KRTAP13-1: variants seen among roughly 807,000 people sequenced by gnomAD.
KRTAP13-1 encodes keratin-associated protein 13-1.
For synonymous variants in KRTAP13-1, 104 were observed against 85.3 expected, an observed-to-expected ratio of 1.22 and a Z score of -1.21; for missense variants, 200 against 204.8, an observed-to-expected ratio of 0.98 and a Z score of 0.14.
Position 30,396,245 on chromosome 21 carries a change from T to C in KRTAP13-1, c.159T>C (p.Tyr53=). 8.1e-6 allele frequency: 13 copies of C among 1,614,098 alleles called. No homozygotes were observed. Among genetic ancestry groups the C allele is most frequent in the East Asian group, 4.5e-5 (2 of 44,872 alleles). The part of the protein sequence containing the change: ...PSTCQLGSSL[Y]RGCQQTCWEP... Reference sequence around the variant, plus strand: ...CGTGCCAGCTGGGTTCCTCTCTCTATAGGGGCTGTCAGCAGACCTGCTGGG... The same window carrying C: ...CGTGCCAGCTGGGTTCCTCTCTCTACAGGGGCTGTCAGCAGACCTGCTGGG... Residue 53 remains tyrosine (Y), a synonymous_variant, in exon 1 of 1, where the codon TAT becomes TAC. Transcript: ENST00000355459.
At position 30,396,319 on chromosome 21, in the gene KRTAP13-1, C is replaced by A. The variant is rs750272541; in HGVS notation, c.233C>A (p.Thr78Asn). 1.2e-6 allele frequency: 2 copies of A among 1,614,226 alleles called. No homozygotes were observed. Among genetic ancestry groups the A allele is most frequent in the Admixed American group, 1.7e-5 (1 of 60,028 alleles). ...TSYVESSPCQ[T>N]SCYRPRTSLL... ...TATGTGGAGTCCAGCCCCTGCCAGA[C>A]CTCCTGCTACCGTCCCAGAACCTCC... Residue 78 changes from threonine (T) to asparagine (N), a missense_variant, in exon 1 of 1, where the codon ACC becomes AAC. Physicochemically the swap from Thr to Asn is moderately conservative, Grantham distance 65 (BLOSUM62 0). Transcript: ENST00000355459.
Position 30,396,469 on chromosome 21 carries a change from G to C in KRTAP13-1, c.383G>C (p.Arg128Thr). Reference sequence around the variant, plus strand: ...GTGGGCTGTGGGTCCAGTGGCTTCAGATCCCTGGGTTATGGAGGCTGTGGC... The same window carrying C: ...GTGGGCTGTGGGTCCAGTGGCTTCACATCCCTGGGTTATGGAGGCTGTGGC... Reference protein sequence around the residue: ...YSVGCGSSGFRSLGYGGCGFP... With the variant: ...YSVGCGSSGFTSLGYGGCGFP... The change falls in exon 1 of 1, where the codon AGA (arginine) becomes ACA (threonine). Residue 128 changes from arginine (R) to threonine (T), a missense_variant. By Grantham distance (71) the Arg-to-Thr change is moderately conservative. Coordinates refer to ENST00000355459, the MANE Select transcript of KRTAP13-1 (RefSeq NM_181599.3). The C allele has an allele frequency of 1.2e-6, 2 of 1,614,236 alleles. No homozygotes were observed. The highest frequency in any genetic ancestry group is 1.7e-6 in the Non-Finnish European group (2 of 1,180,050).
At position 30,396,297 on chromosome 21, in the gene KRTAP13-1, G is replaced by A; in HGVS notation, c.211G>A (p.Val71Met). The A allele has an allele frequency of 6.2e-7, 1 of 1,614,210 alleles. No homozygotes were observed. The highest frequency in any genetic ancestry group is 8.5e-7 in the Non-Finnish European group (1 of 1,180,026). The change falls in exon 1 of 1, where the codon GTG becomes ATG. Residue 71 changes from valine to methionine, a missense_variant. Val to Met is a conservative substitution (Grantham distance 21). Transcript: ENST00000355459. Reference protein sequence around the residue: ...WEPTSCQTSYVESSPCQTSCY... With the variant: ...WEPTSCQTSYMESSPCQTSCY... Reference sequence around the variant, plus strand: ...GCCCACCAGCTGCCAGACATCCTATGTGGAGTCCAGCCCCTGCCAGACCTC... The same window carrying A: ...GCCCACCAGCTGCCAGACATCCTATATGGAGTCCAGCCCCTGCCAGACCTC...
In KRTAP13-1 at chr21:30,396,505, T is replaced by G; in HGVS notation, c.419T>G (p.Leu140Arg). ...TATGGAGGCTGTGGCTTCCCTTCCCTGGGCTATGGCGTTGGATTCTGCCGC... is the reference window on the plus strand; with the variant it reads ...TATGGAGGCTGTGGCTTCCCTTCCCGGGGCTATGGCGTTGGATTCTGCCGC... ...LGYGGCGFPS[L>R]GYGVGFCRPT... is the part of the protein sequence containing the mutation. The change falls in exon 1 of 1, where the codon CTG (leucine) becomes CGG (arginine). Residue 140 changes from leucine to arginine, a missense_variant. Transcript: ENST00000355459. 1 of 1,614,218 alleles carries G rather than the reference T, an allele frequency of 6.2e-7. No homozygotes were observed. The highest frequency in any genetic ancestry group is 8.5e-7 in the Non-Finnish European group (1 of 1,180,026).
In KRTAP13-1 at chr21:30,396,147, T is replaced by C. The variant is rs1568838310; in HGVS notation, c.61T>C (p.Tyr21His). 3.1e-6 allele frequency: 5 copies of C among 1,605,000 alleles called. No individual in the cohort carries two copies. Among genetic ancestry groups the C allele is most frequent in the East Asian group, 2.2e-5 (1 of 44,874 alleles). Residue 21 changes from tyrosine (Y) to histidine (H), a missense_variant, in exon 1 of 1, where the codon TAC becomes CAC. By Grantham distance (83) the Tyr-to-His change is moderately conservative. Transcript: ENST00000355459. ...SSRSCGGYLH[Y>H]PASSCGFSYP... ...CCGCTCCTGTGGTGGCTACCTGCACTACCCAGCCTCCTCCTGTGGCTTTTC... is the reference window on the plus strand; with the variant it reads ...CCGCTCCTGTGGTGGCTACCTGCACCACCCAGCCTCCTCCTGTGGCTTTTC...
In KRTAP13-1 at chr21:30,396,473, C is replaced by T. The variant is rs776540452; in HGVS notation, c.387C>T (p.Ser129=). The T allele has an allele frequency of 6.2e-6, 10 of 1,614,158 alleles. No individual in the cohort carries two copies. The Admixed American group carries it at 1.3e-4, about 22-fold the overall frequency. ...GCTGTGGGTCCAGTGGCTTCAGATCCCTGGGTTATGGAGGCTGTGGCTTCC... is the reference window on the plus strand; with the variant it reads ...GCTGTGGGTCCAGTGGCTTCAGATCTCTGGGTTATGGAGGCTGTGGCTTCC... The part of the protein sequence containing the change: ...SVGCGSSGFR[S]LGYGGCGFPS... Residue 129 remains serine (S), a synonymous_variant, in exon 1 of 1, where the codon TCC becomes TCT. Transcript: ENST00000355459.
At position 30,396,219 on chromosome 21, in the gene KRTAP13-1, A is replaced by G. The variant is rs1601109746; in HGVS notation, c.133A>G (p.Thr45Ala). ...VYSTDLCSPS[T>A]CQLGSSLYRG... ...CAGCACTGACCTCTGCTCTCCCAGC[A>G]CGTGCCAGCTGGGTTCCTCTCTCTA... Residue 45 changes from threonine to alanine, a missense_variant, in exon 1 of 1, where the codon ACG (threonine) becomes GCG (alanine). Coordinates refer to ENST00000355459, the MANE Select transcript of KRTAP13-1 (RefSeq NM_181599.3). 1 of 1,614,142 alleles carries G rather than the reference A, an allele frequency of 6.2e-7. No homozygotes were observed. The highest frequency in any genetic ancestry group is 8.5e-7 in the Non-Finnish European group (1 of 1,180,020).
In KRTAP13-1 at chr21:30,396,273, C is replaced by T. The variant is rs1983513258; in HGVS notation, c.187C>T (p.Pro63Ser). The T allele has an allele frequency of 6.2e-7, 1 of 1,614,188 alleles. No homozygotes were observed. The highest frequency in any genetic ancestry group is 1.3e-5 in the African/African-American group (1 of 75,058). Residue 63 changes from proline to serine, a missense_variant, in exon 1 of 1, where the codon CCC becomes TCC. Coordinates refer to ENST00000355459, the MANE Select transcript of KRTAP13-1 (RefSeq NM_181599.3). ...GGGCTGTCAGCAGACCTGCTGGGAGCCCACCAGCTGCCAGACATCCTATGT... is the reference window on the plus strand; with the variant it reads ...GGGCTGTCAGCAGACCTGCTGGGAGTCCACCAGCTGCCAGACATCCTATGT... Reference protein sequence around the residue: ...YRGCQQTCWEPTSCQTSYVES... With the variant: ...YRGCQQTCWESTSCQTSYVES...
Position 30,396,232 on chromosome 21 carries a change from G to T in KRTAP13-1, c.146G>T (p.Gly49Val). 6.2e-7 allele frequency: 1 copy of T among 1,614,144 alleles called. No homozygotes were observed. Among genetic ancestry groups the T allele is most frequent in the Non-Finnish European group, 8.5e-7 (1 of 1,180,012 alleles). ...DLCSPSTCQL[G>V]SSLYRGCQQT... The stretch of plus-strand genomic sequence containing the variant: ...TGCTCTCCCAGCACGTGCCAGCTGG[G>T]TTCCTCTCTCTATAGGGGCTGTCAG... The change falls in exon 1 of 1, where the codon GGT becomes GTT. Residue 49 changes from glycine to valine, a missense_variant. Coordinates refer to ENST00000355459, the MANE Select transcript of KRTAP13-1 (RefSeq NM_181599.3).
Position 30,396,500 on chromosome 21 carries a change from T to G in KRTAP13-1, c.414T>G (p.Pro138=). 1.2e-6 allele frequency: 2 copies of G among 1,614,192 alleles called. No homozygotes were observed. Among genetic ancestry groups the G allele is most frequent in the Non-Finnish European group, 1.7e-6 (2 of 1,180,026 alleles). Reference sequence around the variant, plus strand: ...TGGGTTATGGAGGCTGTGGCTTCCCTTCCCTGGGCTATGGCGTTGGATTCT... The same window carrying G: ...TGGGTTATGGAGGCTGTGGCTTCCCGTCCCTGGGCTATGGCGTTGGATTCT... The part of the protein sequence containing the change: ...RSLGYGGCGF[P]SLGYGVGFCR... Residue 138 remains proline (P), a synonymous_variant, in exon 1 of 1, where the codon CCT becomes CCG. Coordinates refer to ENST00000355459, the MANE Select transcript of KRTAP13-1 (RefSeq NM_181599.3).
At position 30,396,721 on chromosome 21, in the gene KRTAP13-1, T is replaced by A. The variant is rs1983534769; in HGVS notation, c.*116T>A. ...AGCCTCTTATTCTATAATTATCAAG[T>A]TCTCAGTTTGTCTTTGTCCCCAAAT... On this transcript the variant is annotated 3_prime_UTR_variant, in exon 1 of 1. Coordinates refer to ENST00000355459, the MANE Select transcript of KRTAP13-1 (RefSeq NM_181599.3). 1 of 1,058,294 alleles carries A rather than the reference T, an allele frequency of 9.4e-7. No individual in the cohort carries two copies. The highest frequency in any genetic ancestry group is 1.3e-6 in the Non-Finnish European group (1 of 745,174). The allele number at this position is 1,058,294 out of a possible 1,614,324, so 65.6% of individuals were successfully genotyped here.
In KRTAP13-1 at chr21:30,396,263, C is replaced by T; in HGVS notation, c.177C>T (p.Thr59=). 2 of 1,614,206 alleles carry T rather than the reference C, an allele frequency of 1.2e-6. No homozygotes were observed. Among genetic ancestry groups the T allele is most frequent in the Non-Finnish European group, 1.7e-6 (2 of 1,180,028 alleles). ...CTCTCTATAGGGGCTGTCAGCAGACCTGCTGGGAGCCCACCAGCTGCCAGA... is the reference window on the plus strand; with the variant it reads ...CTCTCTATAGGGGCTGTCAGCAGACTTGCTGGGAGCCCACCAGCTGCCAGA... The part of the protein sequence containing the change: ...GSSLYRGCQQ[T]CWEPTSCQTS... Residue 59 remains threonine, a synonymous_variant, in exon 1 of 1, where the codon ACC becomes ACT. Coordinates refer to ENST00000355459, the MANE Select transcript of KRTAP13-1 (RefSeq NM_181599.3).
chr21:30,396,353 C>A, the KRTAP13-1 span: 2 of 1,614,224 alleles, frequency 1.2e-6, no homozygotes, highest in South Asian at 2.2e-5. Flanking sequence ...CCTTGCTCTG[C>A]AGTCCCTGCC....
Position 30,396,653 on chromosome 21 carries a change from C to T in KRTAP13-1, c.*48C>T, listed in dbSNP as rs1983532631. On this transcript the variant is annotated 3_prime_UTR_variant, in exon 1 of 1. Coordinates refer to ENST00000355459, the MANE Select transcript of KRTAP13-1 (RefSeq NM_181599.3). ...TTGTTGGCTAATGCCTTCAATGCCT[C>T]TACTCATAACCTTTATTGTCTTCAT... The T allele has an allele frequency of 6.6e-7, 1 of 1,507,924 alleles. No homozygotes were observed. The highest frequency in any genetic ancestry group is 1.4e-5 in the African/African-American group (1 of 72,556). 93.4% of individuals were successfully genotyped at this position (1,507,924 alleles called of 1,614,324 possible).
chr21:30,396,230 G>T lies in KRTAP13-1; in HGVS notation c.144G>T (p.Leu48=), dbSNP rs750325857. Residue 48 remains leucine, a synonymous_variant, in exon 1 of 1, where the codon CTG becomes CTT. Coordinates refer to ENST00000355459, the MANE Select transcript of KRTAP13-1 (RefSeq NM_181599.3). Reference sequence around the variant, plus strand: ...TCTGCTCTCCCAGCACGTGCCAGCTGGGTTCCTCTCTCTATAGGGGCTGTC... The same window carrying T: ...TCTGCTCTCCCAGCACGTGCCAGCTTGGTTCCTCTCTCTATAGGGGCTGTC... ...TDLCSPSTCQ[L]GSSLYRGCQQ... is the part of the protein sequence containing the mutation. 6.2e-7 allele frequency: 1 copy of T among 1,614,138 alleles called. No homozygotes were observed. Among genetic ancestry groups the T allele is most frequent in the Non-Finnish European group, 8.5e-7 (1 of 1,179,998 alleles).
Position 30,396,640 on chromosome 21 carries a change from G to A in KRTAP13-1, c.*35G>A. ...TAAATTGCTGATTTTGTTGGCTAAT[G>A]CCTTCAATGCCTCTACTCATAACCT... is the stretch of plus-strand genomic sequence containing the variant. On this transcript the variant is annotated 3_prime_UTR_variant, in exon 1 of 1. Transcript: ENST00000355459. 1 of 1,571,640 alleles carries A rather than the reference G, an allele frequency of 6.4e-7. No individual in the cohort carries two copies. The highest frequency in any genetic ancestry group is 8.7e-7 in the Non-Finnish European group (1 of 1,146,208).
chr21:30,396,788 C>T lies in KRTAP13-1; in HGVS notation c.*183C>T. 1.7e-6 allele frequency: 1 copy of T among 587,916 alleles called. No homozygotes were observed. Among genetic ancestry groups the T allele is most frequent in the South Asian group, 2.6e-5 (1 of 38,692 alleles). The allele number at this position is 587,916 out of a possible 1,614,324, so 36.4% of individuals were successfully genotyped here. A position where few individuals can be genotyped will look rare whatever the true frequency, so the allele number is the denominator to read the frequency against. On this transcript the variant is annotated 3_prime_UTR_variant, in exon 1 of 1. Coordinates refer to ENST00000355459, the MANE Select transcript of KRTAP13-1 (RefSeq NM_181599.3). ...CATCTGAAAAACTGTAATTGGAGAA[C>T]TAGCTCAAAATAAATCTTGAAATAC...
rs141737136 is a variant in KRTAP13-1 at position 30,396,618 on chromosome 21, A to G, written c.*13A>G. The G allele has an allele frequency of 5.9e-4, 948 of 1,611,306 alleles. 11 individuals carry two copies. The African/African-American group carries it at 0.011, about 18-fold the overall frequency. Reference sequence around the variant, plus strand: ...CTTCTACTATTGATCATCTTGTTAAATTGCTGATTTTGTTGGCTAATGCCT... The same window carrying G: ...CTTCTACTATTGATCATCTTGTTAAGTTGCTGATTTTGTTGGCTAATGCCT... On this transcript the variant is annotated 3_prime_UTR_variant, in exon 1 of 1. Transcript: ENST00000355459.
Position 30,396,209 on chromosome 21 carries a change from C to T in KRTAP13-1, c.123C>T (p.Cys41=), listed in dbSNP as rs1484088288. 2.5e-6 allele frequency: 4 copies of T among 1,614,224 alleles called. No homozygotes were observed. Among genetic ancestry groups the T allele is most frequent in the East Asian group, 2.2e-5 (1 of 44,878 alleles). ...PSNQVYSTDL[C]SPSTCQLGSS... ...ACCAGGTCTACAGCACTGACCTCTG[C>T]TCTCCCAGCACGTGCCAGCTGGGTT... The change falls in exon 1 of 1, where the codon TGC becomes TGT. Residue 41 remains cysteine (C), a synonymous_variant. Transcript: ENST00000355459.
Sources: allele counts gnomAD v4.1 joint callset, GRCh38; gene constraint gnomAD v4.1.1; transcripts MANE v1.5; gene names NCBI Gene and HGNC (gene_info 2026-07-23, HGNC 2026-07-21).